The following GMDS variants were observed in gnomAD, a reference collection of about 807,000 sequenced individuals.
GMDS encodes GDP-mannose 4,6-dehydratase, also known as GDP-mannose 4,6 dehydratase.
Under a neutral mutation model 49.9 loss-of-function variants are expected in GMDS, and 20 were observed. The ratio of observed to expected loss-of-function variants is 0.40; its 90% CI spans 0.28 to 0.58. The LOEUF (loss-of-function observed/expected upper bound fraction) is 0.58. Among genes scored for constraint, GMDS ranks in the 20% least tolerant of loss-of-function variants. The pLI is 0.42. For synonymous variants in GMDS, 177 were observed against 178.6 expected, an observed-to-expected ratio of 0.99 and a Z score of 0.07; for missense variants, 362 against 481.4, an observed-to-expected ratio of 0.75 and a Z score of 2.32.
intron 2 of GMDS, among the ~76,000 whole-genome samples, chr6:2,118,516 G>C (rs1774970387): frequency 6.6e-6 from 1 of 152,028 alleles, no homozygotes; most frequent in South Asian, 2.1e-4. Context: ...TTAATCCTTG[G>C]TATGACTCAA....
At chr6:1,710,244 G>T (rs975544533) in intron 9 of GMDS, among the ~76,000 whole-genome samples, 7 of 152,152 alleles carry the variant, frequency 4.6e-5, no homozygotes, top group Admixed American at 4.6e-4. Flanking sequence ...CCCTCCACCA[G>T]ACCGGGGAAA....
At chr6:1,838,301 T>C (rs1757013587) in intron 7 of GMDS, among the ~76,000 whole-genome samples, 1 of 152,254 alleles carries the variant, frequency 6.6e-6, no homozygotes, top group Admixed American at 6.5e-5. Flanking sequence ...CAGACTTAGA[T>C]AGGGCTCTGA....
chr6:1,735,845 G>A (rs963250148), intron 8 of GMDS, among the ~76,000 whole-genome samples: 1 of 152,194 alleles, frequency 6.6e-6, no homozygotes, highest in African/African-American at 2.4e-5. Context: ...TGTAAATAAT[G>A]TGTTCTTATT....
chr6:1,776,908 T>A (rs1768860232), intron 7 of GMDS, among the ~76,000 whole-genome samples: 1 of 152,068 alleles, frequency 6.6e-6, no homozygotes, highest in Non-Finnish European at 1.5e-5. Context: ...ATCTGCCAAG[T>A]CCTGGGGGGA....
rs1023333888 is a variant in GMDS at position 1,737,763 on chromosome 6, CCA to C, written c.890+4703_890+4704del. On this transcript the variant is annotated intron_variant, in intron 8 of 10. Transcript: ENST00000380815. ...ACATACACATACACATACACACACA[CCA>C]CACACACAGATACACATACATACAC... 8.8e-5 allele frequency among the ~76,000 whole-genome samples: 12 copies of C among 136,368 alleles called. No homozygotes were observed. The East Asian group carries it at 1.2e-3, about 13-fold the overall frequency. The allele number at this position is 136,368 out of a possible 152,430, so 89.5% of individuals were successfully genotyped here.
chr6:2,235,028 G>A (rs1781292029), intron 1 of GMDS, among the ~76,000 whole-genome samples: 1 of 152,054 alleles, frequency 6.6e-6, no homozygotes, highest in Admixed American at 6.5e-5. Context: ...TGGAGGCTGA[G>A]GCAGGAGAAT....
intron 7 of GMDS, among the ~76,000 whole-genome samples, chr6:1,776,720 T>C (rs1768849851): frequency 6.6e-6 from 1 of 152,044 alleles, no homozygotes. Context: ...GAGAGTGAAA[T>C]ATGTGGACTG....
intron 7 of GMDS, among the ~76,000 whole-genome samples, chr6:1,850,001 TA>T (rs1359703338): frequency 6.6e-6 from 1 of 152,184 alleles, no homozygotes; most frequent in Non-Finnish European, 1.5e-5. Flanking sequence ...TCACTGCACA[TA>T]AAATACTATT....
At chr6:1,816,889 A>T (rs894014723) in intron 7 of GMDS, among the ~76,000 whole-genome samples, 13 of 151,514 alleles carry the variant, frequency 8.6e-5, no homozygotes, top group African/African-American at 2.9e-4. Context: ...GGGGGGTGGT[A>T]GAGTTTGGAA....
rs986209056 is a variant in GMDS, at chr6:2,086,720, G to A, written c.345+29051C>T. 8.5e-5 allele frequency among the ~76,000 whole-genome samples: 13 copies of A among 152,334 alleles called. No individual in the cohort carries two copies. In the East Asian group the frequency reaches 2.1e-3, roughly 25 times the overall value. On this transcript the variant is annotated intron_variant, in intron 4 of 10. Transcript: ENST00000380815. The stretch of plus-strand genomic sequence containing the variant: ...GTGTTTTATTTCCCTTCTGGGCTAC[G>A]TGCTGGCAGAGAATAACACAATGAA...
rs180721286 is a variant in GMDS, at chr6:1,945,716, C to T, written c.643+14151G>A. Among the ~76,000 whole-genome samples the T allele has an allele frequency of 1.7e-3, 252 of 152,258 alleles. 2 individuals are homozygous for T. Among genetic ancestry groups the T allele is most frequent in the Non-Finnish European group, 5.4e-4 (37 of 68,030 alleles). ...CTTAAGCCTAGGAGTTAGATTTCAG[C>T]TTGGGAAACATCGTGAAACCCTGTT... On this transcript the variant is annotated intron_variant, in intron 6 of 10. Coordinates refer to ENST00000380815, the MANE Select transcript of GMDS (RefSeq NM_001500.4).
chr6:2,028,342 T>C (rs1768731638), intron 4 of GMDS, among the ~76,000 whole-genome samples: 1 of 152,230 alleles, frequency 6.6e-6, no homozygotes, highest in Non-Finnish European at 1.5e-5. Context: ...TTTTAAACCC[T>C]AAATCATTTA....
At chr6:1,735,853 A>C (rs1048516797) in intron 8 of GMDS, among the ~76,000 whole-genome samples, 6 of 152,236 alleles carry the variant, frequency 3.9e-5, no homozygotes, top group Non-Finnish European at 1.5e-5. Flanking sequence ...ATGTGTTCTT[A>C]TTAATTGACA....
intron 4 of GMDS, among the ~76,000 whole-genome samples, chr6:2,102,115 G>A (rs953068460): frequency 1.3e-5 from 2 of 151,928 alleles, no homozygotes; most frequent in Admixed American, 6.6e-5. Context: ...ATGTAGTCAC[G>A]TAAACAAATG....
At chr6:2,188,447 A>G (rs1164274772) in intron 1 of GMDS, among the ~76,000 whole-genome samples, 2 of 152,178 alleles carry the variant, frequency 1.3e-5, no homozygotes, top group Non-Finnish European at 2.9e-5. Context: ...TCTCCCCTTG[A>G]GAGCCAAAGG....
At chr6:2,137,769 T>C (rs940837508) in intron 1 of GMDS, among the ~76,000 whole-genome samples, 2 of 152,236 alleles carry the variant, frequency 1.3e-5, no homozygotes, top group Non-Finnish European at 2.9e-5. Flanking sequence ...CAACAAGTGC[T>C]GCTAAAGATC....
At chr6:1,792,292 A>G (rs914512625) in intron 7 of GMDS, among the ~76,000 whole-genome samples, 2 of 149,076 alleles carry the variant, frequency 1.3e-5, no homozygotes, top group Admixed American at 6.7e-5. Context: ...ATTTTCTCAC[A>G]CTCTCCAACT....
chr6:1,994,211 A>T (rs1766136086), intron 4 of GMDS, among the ~76,000 whole-genome samples: 1 of 152,210 alleles, frequency 6.6e-6, no homozygotes, highest in Non-Finnish European at 1.5e-5. Flanking sequence ...TTTTTATGCT[A>T]AAAAACATTT....
At chr6:2,017,366 T>C (rs1767970155) in intron 4 of GMDS, among the ~76,000 whole-genome samples, 2 of 152,152 alleles carry the variant, frequency 1.3e-5, no homozygotes, top group South Asian at 4.1e-4. Context: ...AGGAGTGCAG[T>C]GGCGCTATCT....
Sources: allele counts gnomAD v4.1 joint callset (sites outside exome capture counted in the v4.1 genomes callset), GRCh38; gene constraint gnomAD v4.1.1; transcripts MANE v1.5; gene names NCBI Gene and HGNC (gene_info 2026-07-23, HGNC 2026-07-21).